Variants in PARD3B observed in about 807,000 individuals in gnomAD.
PARD3B encodes the protein par-3 family cell polarity regulator beta, also known as partitioning defective 3 homolog B.
PARD3B carries 103 observed loss-of-function variants against 130.2 expected under a neutral mutation model. The observed-to-expected ratio is 0.79, with a 90% CI of 0.67 to 0.93. The LOEUF is 0.93. Among genes scored for constraint, PARD3B ranks in the 40% least tolerant of loss-of-function variants. PARD3B has a pLI of 0.00. For missense variants in PARD3B, 1,609 were observed against 1,499.2 expected, an observed-to-expected ratio of 1.07 and a Z score of -1.21; for synonymous variants, 583 against 553.2, an observed-to-expected ratio of 1.05 and a Z score of -0.76.
intron 18 of PARD3B, among the ~76,000 whole-genome samples, chr2:205,307,194 G>C (rs1363716321): frequency 2.6e-5 from 4 of 152,072 alleles, no homozygotes; most frequent in Non-Finnish European, 5.9e-5. Context: ...GATATTAGCT[G>C]GTCCATTTGT....
chr2:204,764,859 C>T (rs923089838), intron 2 of PARD3B, among the ~76,000 whole-genome samples: 1 of 152,038 alleles, frequency 6.6e-6, no homozygotes, highest in Non-Finnish European at 1.5e-5. Flanking sequence ...TTCCTTCCCT[C>T]CTCCCTCCTG....
chr2:205,023,079 C>T (rs1696741757), intron 3 of PARD3B, among the ~76,000 whole-genome samples: 1 of 152,196 alleles, frequency 6.6e-6, no homozygotes, highest in South Asian at 2.1e-4. Flanking sequence ...CATCCGACAG[C>T]ACTCCAGGTG....
chr2:204,828,539 C>T (rs769491252), intron 2 of PARD3B, among the ~76,000 whole-genome samples: 12 of 152,280 alleles, frequency 7.9e-5, no homozygotes, highest in East Asian at 3.9e-4. Context: ...ACTTTACTTA[C>T]GTCTCTGCTG....
chr2:205,483,560 G>T (rs1259043689), intron 20 of PARD3B, among the ~76,000 whole-genome samples: 1 of 152,142 alleles, frequency 6.6e-6, no homozygotes, highest in African/African-American at 2.4e-5. Context: ...GATGCATTTT[G>T]ACCATTAGCT....
chr2:205,256,576 G>C (rs184175157), intron 16 of PARD3B, among the ~76,000 whole-genome samples: 4 of 152,132 alleles, frequency 2.6e-5, no homozygotes, highest in South Asian at 2.1e-4. Context: ...TTTATCTGTA[G>C]TATTTGAGTT....
chr2:204,968,346 A>G (rs1298995507), intron 3 of PARD3B, among the ~76,000 whole-genome samples: 1 of 152,238 alleles, frequency 6.6e-6, no homozygotes, highest in Non-Finnish European at 1.5e-5. Flanking sequence ...CAAGATAACC[A>G]TCAACAATAT....
At chr2:205,505,723 A>C (rs2050334830) in intron 21 of PARD3B, among the ~76,000 whole-genome samples, 1 of 152,244 alleles carries the variant, frequency 6.6e-6, no homozygotes, top group African/African-American at 2.4e-5. Context: ...TTTTCTTAGC[A>C]GATAAAGCTG....
At chr2:204,777,619 A>G (rs982405236) in intron 2 of PARD3B, among the ~76,000 whole-genome samples, 2 of 152,260 alleles carry the variant, frequency 1.3e-5, no homozygotes, top group East Asian at 1.9e-4. Context: ...AATTAAAAAA[A>G]TTAGCCAGGA....
At chr2:204,940,322 A>C (rs923405967) in intron 2 of PARD3B, among the ~76,000 whole-genome samples, 1 of 152,190 alleles carries the variant, frequency 6.6e-6, no homozygotes, top group Non-Finnish European at 1.5e-5. Flanking sequence ...ATAACATCCT[A>C]GGAAGAGGTG....
intron 2 of PARD3B, among the ~76,000 whole-genome samples, chr2:204,815,005 TCTC>T (rs2043096738): frequency 6.6e-6 from 1 of 151,936 alleles, no homozygotes; most frequent in African/African-American, 2.4e-5. Context: ...TTTCATCTAT[TCTC>T]ATAATTTTCT....
intron 1 of PARD3B, among the ~76,000 whole-genome samples, chr2:204,643,740 C>G (rs540760734): frequency 1.3e-5 from 2 of 152,176 alleles, no homozygotes; most frequent in South Asian, 2.1e-4. Context: ...TTGGACACCC[C>G]TCTTATAAAG....
chr2:205,111,913 A>G (rs923731542), intron 5 of PARD3B, among the ~76,000 whole-genome samples: 3 of 152,100 alleles, frequency 2.0e-5, no homozygotes, highest in African/African-American at 7.2e-5. Flanking sequence ...CTAAAAATGC[A>G]CTATAAATTC....
rs184090550 is a variant in PARD3B at position 204,598,590 on chromosome 2, A to G, written c.120+52471A>G. Reference sequence around the variant, plus strand: ...AAAAGATTAGAACAATACCAGACACATGGAATTTATATATGCTAAATTAAA... The same window carrying G: ...AAAAGATTAGAACAATACCAGACACGTGGAATTTATATATGCTAAATTAAA... On this transcript the variant is annotated intron_variant, in intron 1 of 22. Coordinates refer to ENST00000406610, the MANE Select transcript of PARD3B (RefSeq NM_001302769.2). Among the ~76,000 whole-genome samples, 482 of 152,236 alleles carry G rather than the reference A, an allele frequency of 3.2e-3. 5 individuals carry two copies. Among genetic ancestry groups the G allele is most frequent in the African/African-American group, 0.011 (454 of 41,572 alleles).
chr2:204,660,114 G>A (rs1048193703), intron 1 of PARD3B, among the ~76,000 whole-genome samples: 1 of 152,122 alleles, frequency 6.6e-6, no homozygotes, highest in Admixed American at 6.5e-5. Context: ...TCCAGATAAT[G>A]TATTTCTTTT....
intron 2 of PARD3B, among the ~76,000 whole-genome samples, chr2:204,729,826 TA>T (rs777651704): frequency 1.2e-3 from 176 of 151,920 alleles, no homozygotes; most frequent in Non-Finnish European, 1.5e-3. Context: ...ACCCATATTT[TA>T]AAAAAAAATT....
chr2:205,271,041 A>G (rs1235442812), intron 16 of PARD3B, among the ~76,000 whole-genome samples: 2 of 152,212 alleles, frequency 1.3e-5, no homozygotes, highest in African/African-American at 4.8e-5. Flanking sequence ...GCCATGCCAC[A>G]AAAAATAATA....
intron 2 of PARD3B, among the ~76,000 whole-genome samples, chr2:204,748,651 A>G (rs1198592698): frequency 6.6e-6 from 1 of 152,142 alleles, no homozygotes; most frequent in Non-Finnish European, 1.5e-5. Context: ...CTCAACTCTA[A>G]ACTATCTGAT....
chr2:204,705,400 G>T (rs1244838104), intron 2 of PARD3B, among the ~76,000 whole-genome samples: 1 of 152,102 alleles, frequency 6.6e-6, no homozygotes, highest in African/African-American at 2.4e-5. Context: ...AGTGGTTGGA[G>T]GCAAAGGCAT....
At chr2:204,793,226 A>G (rs1051391449) in intron 2 of PARD3B, among the ~76,000 whole-genome samples, 1 of 152,058 alleles carries the variant, frequency 6.6e-6, no homozygotes, top group Non-Finnish European at 1.5e-5. Context: ...CATCCAGAAT[A>G]TTTCATTTAT....
Sources: allele counts gnomAD v4.1 joint callset (sites outside exome capture counted in the v4.1 genomes callset), GRCh38; gene constraint gnomAD v4.1.1; transcripts MANE v1.5; gene names NCBI Gene and HGNC (gene_info 2026-07-23, HGNC 2026-07-21).